LRBA: variants seen among roughly 807,000 people sequenced by gnomAD.
LRBA encodes lipopolysaccharide-responsive and beige-like anchor protein.
A neutral mutation model predicts 330.0 loss-of-function variants in LRBA; 176 were observed. The ratio of observed to expected loss-of-function variants is 0.53; its 90% CI spans 0.47 to 0.60. The LOEUF (loss-of-function observed/expected upper bound fraction) is 0.60. Among genes scored for constraint, LRBA ranks in the 20% least tolerant of loss-of-function variants. LRBA has a pLI of 0.00. For missense variants in LRBA, 3,259 were observed against 3,444.8 expected (o/e 0.95, Z 1.35); for synonymous variants, 1,230 against 1,193.0 (o/e 1.03, Z -0.64).
intron 36 of LRBA, among the ~76,000 whole-genome samples, chr4:150,685,768 A>G (rs1031055134): frequency 1.3e-5 from 2 of 151,864 alleles, no homozygotes; most frequent in African/African-American, 4.8e-5. Flanking sequence ...GCAAAACACT[A>G]TGCTAGGGAG....
In LRBA at chr4:150,906,071, A is replaced by T. The variant is rs1168880075; in HGVS notation, c.1603-81T>A. The T allele has an allele frequency of 2.4e-6, 3 of 1,225,758 alleles. No individual in the cohort carries two copies. In the African/African-American group the frequency reaches 4.5e-5, roughly 18 times the overall value. The allele number at this position is 1,225,758 out of a possible 1,614,324, so 75.9% of individuals were successfully genotyped here. ...ACAGGCTGTCCCTACCAGGAAAAAA[A>T]CTGGCCCACAAATTATGCTCAAAGT... On this transcript the variant is annotated intron_variant, in intron 12 of 56. Transcript: ENST00000651943.
At chr4:150,566,644 T>C (rs1769172204) in intron 40 of LRBA, among the ~76,000 whole-genome samples, 1 of 152,094 alleles carries the variant, frequency 6.6e-6, no homozygotes, top group Non-Finnish European at 1.5e-5. Flanking sequence ...CATTAAAATG[T>C]ATTTCACTAA....
At chr4:150,831,532 G>C (rs763692459) in intron 29 of LRBA, among the ~76,000 whole-genome samples, 5 of 152,088 alleles carry the variant, frequency 3.3e-5, no homozygotes, top group Non-Finnish European at 7.4e-5. Flanking sequence ...ATATGAGTTA[G>C]TGATTCTTCA....
intron 30 of LRBA, among the ~76,000 whole-genome samples, chr4:150,827,029 AG>A (rs1560874415): frequency 1.3e-5 from 2 of 152,218 alleles, no homozygotes; most frequent in African/African-American, 4.8e-5. Flanking sequence ...CAAAAAGGTG[AG>A]GGGTGAAGGG....
At chr4:150,375,850 C>A (rs1396366502) in intron 47 of LRBA, among the ~76,000 whole-genome samples, 2 of 152,038 alleles carry the variant, frequency 1.3e-5, no homozygotes, top group African/African-American at 4.8e-5. Context: ...AAAACTATTT[C>A]CCAGGGCTCT....
intron 40 of LRBA, among the ~76,000 whole-genome samples, chr4:150,527,793 T>C (rs2152189596): frequency 6.6e-6 from 1 of 152,280 alleles, no homozygotes; most frequent in South Asian, 2.1e-4. Flanking sequence ...AAAGAATTTG[T>C]ACAATATTTA....
intron 2 of LRBA, among the ~76,000 whole-genome samples, chr4:151,008,046 T>C (rs557934901): frequency 1.3e-4 from 20 of 152,158 alleles, no homozygotes; most frequent in Admixed American, 3.9e-4. Context: ...CTAAAAATCA[T>C]TGACTTGTAT....
At chr4:150,365,871 A>G (rs1205795904) in intron 47 of LRBA, among the ~76,000 whole-genome samples, 1 of 151,966 alleles carries the variant, frequency 6.6e-6, no homozygotes, top group Non-Finnish European at 1.5e-5. Flanking sequence ...ATTTCCTTAA[A>G]TCAAACTACT....
intron 37 of LRBA, among the ~76,000 whole-genome samples, chr4:150,636,696 G>T (rs1041951408): frequency 1.3e-5 from 2 of 152,158 alleles, no homozygotes; most frequent in African/African-American, 4.8e-5. Context: ...TTGCCCAGCT[G>T]GAGTGCAGTG....
At chr4:150,502,008 C>G (rs1018181078) in intron 40 of LRBA, among the ~76,000 whole-genome samples, 2 of 152,238 alleles carry the variant, frequency 1.3e-5, no homozygotes, top group Middle Eastern at 3.4e-3. Context: ...GAAAACAGAG[C>G]TTGAAGTACA....
At chr4:150,817,042 T>TCACCAGGTGAG in intron 31 of LRBA, 82 bp downstream of exon 31, 1 of 1,300,858 alleles carries the variant, frequency 7.7e-7, no homozygotes, top group Non-Finnish European at 1.1e-6. Flanking sequence ...TGCCCCCAAA[T>TCACCAGGTGAG]TTTAAGTTAA....
intron 22 of LRBA, among the ~76,000 whole-genome samples, chr4:150,865,642 T>G (rs1752582704): frequency 2.0e-5 from 3 of 152,124 alleles, no homozygotes; most frequent in African/African-American, 4.8e-5. Context: ...ATGAATAATT[T>G]GTAGGAACTT....
At chr4:150,335,489 G>A (rs1469097281) in intron 48 of LRBA, among the ~76,000 whole-genome samples, 3 of 74,584 alleles carry the variant, frequency 4.0e-5, no homozygotes, top group African/African-American at 1.2e-4. Flanking sequence ...ATATATGTGT[G>A]TGTATATATA....
chr4:150,571,657 T>TG (rs960953167), intron 40 of LRBA, among the ~76,000 whole-genome samples: 1 of 143,158 alleles, frequency 7.0e-6, no homozygotes, highest in Non-Finnish European at 1.5e-5. Flanking sequence ...TTGTTTTTTT[T>TG]TTTTTTTTTT....
At chr4:150,506,983 T>A (rs1402428008) in intron 40 of LRBA, among the ~76,000 whole-genome samples, 1 of 151,454 alleles carries the variant, frequency 6.6e-6, no homozygotes, top group Non-Finnish European at 1.5e-5. Context: ...CACAATTGCT[T>A]CAAAGAGAAT....
chr4:150,685,421 T>TATATATATATAC (rs58013900), intron 36 of LRBA, among the ~76,000 whole-genome samples: 2 of 11,100 alleles, frequency 1.8e-4, no homozygotes, highest in African/African-American at 7.7e-4. Flanking sequence ...TATATATATA[T>TATATATATATAC]TTTTTTTTTT....
intron 2 of LRBA, among the ~76,000 whole-genome samples, chr4:150,945,207 G>A (rs181968985): frequency 2.6e-5 from 4 of 152,202 alleles, no homozygotes; most frequent in South Asian, 2.1e-4. Context: ...CAAATAATTC[G>A]AGTACCTATA....
chr4:150,999,932 G>A (rs1347044882), intron 2 of LRBA, among the ~76,000 whole-genome samples: 1 of 152,156 alleles, frequency 6.6e-6, no homozygotes, highest in Non-Finnish European at 1.5e-5. Context: ...AAGACCCCTA[G>A]TGGATACCTA....
chr4:150,786,045 A>G (rs189581958), intron 34 of LRBA, among the ~76,000 whole-genome samples: 1 of 152,188 alleles, frequency 6.6e-6, no homozygotes, highest in African/African-American at 2.4e-5. Flanking sequence ...AGAAATGGCT[A>G]ATCTATGAGA....
Sources: gnomAD v4.1 joint callset for allele counts (sites outside exome capture counted in the v4.1 genomes callset) on GRCh38, gnomAD v4.1.1 for gene constraint, MANE v1.5 for transcripts, NCBI Gene and HGNC (gene_info 2026-07-23, HGNC 2026-07-21) for gene names.